SLC35D4: variants seen among roughly 807,000 people sequenced by gnomAD.
SLC35D4 encodes solute carrier family 35 member D4.
the SLC35D4 span, among the ~76,000 whole-genome samples, chr18:23,332,925 C>T: frequency 2.0e-5 from 3 of 152,064 alleles, no homozygotes; most frequent in Admixed American, 1.3e-4. Flanking sequence ...GATTCTTACC[C>T]AGGTCTTTCT....
At chr18:23,313,156 A>AAAAAAAAAAAAAAAAT in the SLC35D4 span, among the ~76,000 whole-genome samples, 1 of 146,524 alleles carries the variant, frequency 6.8e-6, no homozygotes, top group Non-Finnish European at 1.5e-5. Flanking sequence ...AAAAAAAAAA[A>AAAAAAAAAAAAAAAAT]AGAACCTGAG....
At chr18:23,376,925 T>A in the SLC35D4 span, 94 of 456,722 alleles carry the variant, frequency 2.1e-4, no homozygotes, top group East Asian at 6.0e-3. Context: ...TTTTGTCTTG[T>A]TCTTTCAAGG....
chr18:23,416,853 G>T, the SLC35D4 span, among the ~76,000 whole-genome samples: 1 of 152,206 alleles, frequency 6.6e-6, no homozygotes, highest in Non-Finnish European at 1.5e-5. Context: ...TGTCTAGTGG[G>T]TCTCAAACTT....
the SLC35D4 span, among the ~76,000 whole-genome samples, chr18:23,314,856 C>A: frequency 3.9e-5 from 6 of 152,364 alleles, no homozygotes; most frequent in South Asian, 8.3e-4. Flanking sequence ...GAACTCAATA[C>A]GAGGTGTCAG....
chr18:23,425,934 G>A, the SLC35D4 span, among the ~76,000 whole-genome samples: 1 of 151,962 alleles, frequency 6.6e-6, no homozygotes, highest in Non-Finnish European at 1.5e-5. Context: ...ATTAAAGCTT[G>A]AATAAAGCTT....
chr18:23,387,879 T>C, the SLC35D4 span, among the ~76,000 whole-genome samples: 2 of 152,374 alleles, frequency 1.3e-5, no homozygotes, highest in East Asian at 3.9e-4. Context: ...TTTTAACTTA[T>C]TTTTCATGTT....
the SLC35D4 span, among the ~76,000 whole-genome samples, chr18:23,275,015 G>GCGC: frequency 1.1e-3 from 144 of 126,074 alleles, no homozygotes; most frequent in African/African-American, 4.5e-3. Flanking sequence ...GTGTATGTGT[G>GCGC]TGCTTGTGTG....
the SLC35D4 span, among the ~76,000 whole-genome samples, chr18:23,330,047 G>A: frequency 4.6e-5 from 7 of 152,148 alleles, no homozygotes; most frequent in Admixed American, 1.3e-4. Context: ...GGGGCCTGTC[G>A]GGGATGGGAG....
chr18:23,266,589 T>G, the SLC35D4 span, among the ~76,000 whole-genome samples: 23 of 152,334 alleles, frequency 1.5e-4, no homozygotes, highest in Non-Finnish European at 2.5e-4. Flanking sequence ...GTGATGTCCT[T>G]GAAGAGGCAC....
At chr18:23,286,860 G>A in the SLC35D4 span, among the ~76,000 whole-genome samples, 1 of 151,936 alleles carries the variant, frequency 6.6e-6, no homozygotes, top group Non-Finnish European at 1.5e-5. Context: ...GACTATTCCT[G>A]GATTACAGCT....
the SLC35D4 span, chr18:23,377,630 AG>A: frequency 6.4e-7 from 1 of 1,572,586 alleles, no homozygotes; most frequent in South Asian, 1.3e-5. Flanking sequence ...TTTTGGGGGG[AG>A]GGCAGTAAAC....
the SLC35D4 span, chr18:23,257,244 C>A: frequency 6.2e-7 from 1 of 1,605,280 alleles, no homozygotes; most frequent in Non-Finnish European, 8.5e-7. Context: ...AAGAGAAGTT[C>A]CGGCTGAACA....
the SLC35D4 span, chr18:23,253,945 C>A: frequency 6.2e-7 from 1 of 1,613,116 alleles, no homozygotes; most frequent in East Asian, 2.2e-5. Context: ...ACGTAAGTAG[C>A]CTTTTTCCTG....
At chr18:23,283,164 C>G in the SLC35D4 span, among the ~76,000 whole-genome samples, 1 of 152,004 alleles carries the variant, frequency 6.6e-6, no homozygotes, top group Admixed American at 6.5e-5. Context: ...TAATTCGGGG[C>G]AAGTGCATAA....
chr18:23,274,020 C>T, the SLC35D4 span, among the ~76,000 whole-genome samples: 2 of 152,164 alleles, frequency 1.3e-5, no homozygotes, highest in Non-Finnish European at 2.9e-5. Flanking sequence ...GCAGCCTCAA[C>T]CTCCTCAGCT....
the SLC35D4 span, among the ~76,000 whole-genome samples, chr18:23,265,498 A>C: frequency 1.3e-5 from 2 of 151,812 alleles, no homozygotes; most frequent in African/African-American, 2.4e-5. Context: ...AGCAGTAGGA[A>C]TCGTCCCCCC....
chr18:23,336,433 T>C, the SLC35D4 span, among the ~76,000 whole-genome samples: 1 of 152,146 alleles, frequency 6.6e-6, no homozygotes. Context: ...CCATGAAAAA[T>C]TATTCTTATT....
At chr18:23,420,653 G>A in the SLC35D4 span, among the ~76,000 whole-genome samples, 1 of 151,914 alleles carries the variant, frequency 6.6e-6, no homozygotes, top group African/African-American at 2.4e-5. Context: ...TGGGATTACA[G>A]GCATGAGCCA....
At chr18:23,371,479 C>T in the SLC35D4 span, 170 of 1,586,884 alleles carry the variant, frequency 1.1e-4, 1 homozygote, top group East Asian at 3.6e-3. Flanking sequence ...AACTGAAACA[C>T]AAAATTAAAA....
Sources: gnomAD v4.1 joint callset for allele counts (sites outside exome capture counted in the v4.1 genomes callset) on GRCh38, gnomAD v4.1.1 for gene constraint, MANE v1.5 for transcripts, NCBI Gene and HGNC (gene_info 2026-07-23, HGNC 2026-07-21) for gene names.